PAPOLA: variants seen among roughly 807,000 people sequenced by gnomAD.
PAPOLA encodes polynucleotide adenylyltransferase alpha.
PAPOLA carries 15 observed loss-of-function variants against 100.6 expected under a neutral mutation model. The ratio of observed to expected loss-of-function variants is 0.15; its 90% CI spans 0.10 to 0.23. The LOEUF (loss-of-function observed/expected upper bound fraction) is 0.23. Ranked by LOEUF, PAPOLA falls within the 10% of genes least tolerant of loss-of-function variation. The pLI is 1.00. For synonymous variants in PAPOLA, 293 were observed against 300.0 expected, an observed-to-expected ratio of 0.98 and a Z score of 0.24; for missense variants, 533 against 884.2, an observed-to-expected ratio of 0.60 and a Z score of 5.04.
At chr14:96,531,405 T>A in intron 6 of PAPOLA, 70 bp from the exon 7 acceptor site, 1 of 1,253,714 alleles carries the variant, frequency 8.0e-7, no homozygotes, top group Non-Finnish European at 1.1e-6. Context: ...TTTTTGTTTG[T>A]TTGTTTTTTC....
intron 19 of PAPOLA, among the ~76,000 whole-genome samples, chr14:96,557,905 ATTG>A (rs1325869523): frequency 1.3e-5 from 2 of 152,020 alleles, no homozygotes; most frequent in Non-Finnish European, 2.9e-5. Flanking sequence ...TGCTGTTTAA[ATTG>A]TTGTTATGAT....
At position 96,566,749 on chromosome 14, in the gene PAPOLA, T is replaced by G. The variant is rs1215044378; in HGVS notation, c.*1699T>G. ...AAGATGGTCATACTAACAGGTGAAA[T>G]GTACAAGGTGTCTGTGTGTTTTGTG... On this transcript the variant is annotated 3_prime_UTR_variant, in exon 22 of 22. Transcript: ENST00000216277. 1 of 152,574 alleles carries G rather than the reference T, an allele frequency of 6.6e-6. No homozygotes were observed. The highest frequency in any genetic ancestry group is 1.5e-5 in the Non-Finnish European group (1 of 67,998). The allele number at this position is 152,574 out of a possible 1,614,324, so 9.5% of individuals were successfully genotyped here. A position where few individuals can be genotyped will look rare whatever the true frequency, so the allele number is the denominator to read the frequency against.
chr14:96,528,122 A>G lies in PAPOLA; in HGVS notation c.495+116A>G, dbSNP rs184061851. On this transcript the variant is annotated intron_variant, in intron 6 of 21. Coordinates refer to ENST00000216277, the MANE Select transcript of PAPOLA (RefSeq NM_032632.5). ...TAGTGAGTTGGTTGTGATATTAATA[A>G]CAATTAAGGCTTTTAAATGGAAGTG... is the stretch of plus-strand genomic sequence containing the variant. 2.2e-3 allele frequency: 1,527 copies of G among 692,658 alleles called. 2 individuals are homozygous for G. Among genetic ancestry groups the G allele is most frequent in the Non-Finnish European group, 3.3e-3 (1,252 of 373,768 alleles). 42.9% of individuals were successfully genotyped at this position (692,658 alleles called of 1,614,324 possible).
At chr14:96,542,999 T>C in intron 14 of PAPOLA, 106 bp downstream of exon 14, 1 of 1,123,976 alleles carries the variant, frequency 8.9e-7, no homozygotes, top group Non-Finnish European at 1.3e-6. Context: ...GTTGACTACA[T>C]ATGGCTTATA....
intron 6 of PAPOLA, among the ~76,000 whole-genome samples, chr14:96,529,388 A>G (rs1304076616): frequency 1.3e-5 from 2 of 151,838 alleles, no homozygotes; most frequent in East Asian, 3.9e-4. Flanking sequence ...GTATGTTTAA[A>G]TGATATTTTA....
rs145140704 is a variant in PAPOLA, at chr14:96,512,423, G to A, written c.9-7632G>A. Among the ~76,000 whole-genome samples, 566 of 152,298 alleles carry A rather than the reference G, an allele frequency of 3.7e-3. 3 individuals are homozygous for A. Among genetic ancestry groups the A allele is most frequent in the Non-Finnish European group, 5.8e-3 (396 of 68,036 alleles). ...ATCTATATGACTACATATTGTAAAT[G>A]ATGTGCAGAGGTGCCTCAGTATAGA... On this transcript the variant is annotated intron_variant, in intron 1 of 21. Transcript: ENST00000216277.
At chr14:96,532,717 C>T (rs1899143841) in intron 9 of PAPOLA, 68 bp downstream of exon 9, 1 of 1,466,218 alleles carries the variant, frequency 6.8e-7, no homozygotes, top group African/African-American at 1.4e-5. Context: ...ATTTCTATGA[C>T]ATTTCTCAGC....
chr14:96,523,428 A>T (rs1358807671), intron 3 of PAPOLA, among the ~76,000 whole-genome samples: 2 of 152,262 alleles, frequency 1.3e-5, no homozygotes, highest in Non-Finnish European at 2.9e-5. Flanking sequence ...GAATATTTAC[A>T]TCCTTGCAGA....
At chr14:96,562,241 CTG>C (rs919770276) in intron 20 of PAPOLA, among the ~76,000 whole-genome samples, 4 of 151,672 alleles carry the variant, frequency 2.6e-5, no homozygotes, top group African/African-American at 9.7e-5. Flanking sequence ...CTTTTGTGTA[CTG>C]CTTTTAAAAA....
At chr14:96,547,672 A>G in intron 15 of PAPOLA, 125 bp from the exon 16 acceptor site, 1 of 666,734 alleles carries the variant, frequency 1.5e-6, no homozygotes, top group Non-Finnish European at 2.5e-6. Context: ...ATAGGTCTTG[A>G]CCGATCTACA....
chr14:96,524,402 A>G (rs777405031), intron 3 of PAPOLA, among the ~76,000 whole-genome samples: 1 of 152,136 alleles, frequency 6.6e-6, no homozygotes, highest in Non-Finnish European at 1.5e-5. Flanking sequence ...TTACTTCACT[A>G]AAGCCTTTTG....
intron 3 of PAPOLA, among the ~76,000 whole-genome samples, chr14:96,521,946 C>T (rs549301123): frequency 3.3e-5 from 5 of 151,646 alleles, no homozygotes; most frequent in South Asian, 4.2e-4. Context: ...GAATTGCAGG[C>T]GGGCGCCACC....
intron 10 of PAPOLA, chr14:96,535,197 TATGA>T: frequency 2.2e-6 from 2 of 903,230 alleles, no homozygotes; most frequent in Non-Finnish European, 2.6e-6. Context: ...TTCCTAAGTT[TATGA>T]AATCCTTTTT....
intron 6 of PAPOLA, among the ~76,000 whole-genome samples, chr14:96,528,708 G>A (rs1311420236): frequency 1.3e-5 from 2 of 152,152 alleles, no homozygotes; most frequent in Non-Finnish European, 2.9e-5. Context: ...GCAATGTAGC[G>A]AGACTTAATC....
intron 3 of PAPOLA, 42 bp from the exon 4 acceptor site, chr14:96,525,268 C>G: frequency 1.1e-6 from 1 of 883,852 alleles, no homozygotes; most frequent in South Asian, 1.4e-5. Flanking sequence ...AATAGTTTCC[C>G]TTGTGCTCCA....
intron 15 of PAPOLA, among the ~76,000 whole-genome samples, chr14:96,546,351 C>A (rs746488369): frequency 6.6e-6 from 1 of 152,072 alleles, no homozygotes; most frequent in Non-Finnish European, 1.5e-5. Flanking sequence ...TTTGCCCTTG[C>A]CCCCTTCAGC....
intron 3 of PAPOLA, among the ~76,000 whole-genome samples, chr14:96,521,466 A>T (rs866811942): frequency 1.3e-5 from 2 of 152,200 alleles, no homozygotes; most frequent in Middle Eastern, 6.8e-3. Context: ...TATTATTCAA[A>T]CTGAATATTT....
chr14:96,544,188 TA>T lies in PAPOLA; in HGVS notation c.1336del (p.Thr446GlnfsTer27), dbSNP rs1566858128. 1 of 1,609,778 alleles carries T rather than the reference TA, an allele frequency of 6.2e-7. No individual in the cohort carries two copies. The highest frequency in any genetic ancestry group is 8.5e-7 in the Non-Finnish European group (1 of 1,176,266). On this transcript the variant is annotated frameshift_variant, in exon 15 of 22. Transcript: ENST00000216277. LOFTEE classifies it high-confidence loss of function. Reference protein sequence around the residue: ...RTMWVIGLVFKKTENSENLSV... With the variant: ...RTMWVIGLVFXKTENSENLSV... ...CGATGTGGGTGATTGGGTTAGTGTT[TA>T]AAAAAACAGAAAACTCTGAAAACCT...
Position 96,544,146 on chromosome 14 carries a change from C to T in PAPOLA, c.1290-3C>T. ...TAAACTATGGTAATGCTCTTCTTTGCAGGGAAGAATTTCGCACGATGTGGG... is the reference window on the plus strand; with the variant it reads ...TAAACTATGGTAATGCTCTTCTTTGTAGGGAAGAATTTCGCACGATGTGGG... On this transcript the variant is annotated splice_region_variant and splice_polypyrimidine_tract_variant and intron_variant, in intron 14 of 21. Transcript: ENST00000216277. 6.6e-7 allele frequency: 1 copy of T among 1,524,806 alleles called. No individual in the cohort carries two copies. Among genetic ancestry groups the T allele is most frequent in the Non-Finnish European group, 9.1e-7 (1 of 1,100,590 alleles). 94.5% of individuals were successfully genotyped at this position (1,524,806 alleles called of 1,614,324 possible).
Sources: gnomAD v4.1 joint callset for allele counts (sites outside exome capture counted in the v4.1 genomes callset) on GRCh38, gnomAD v4.1.1 for gene constraint, MANE v1.5 for transcripts, NCBI Gene and HGNC (gene_info 2026-07-23, HGNC 2026-07-21) for gene names.